SLC6A15: variants seen among roughly 807,000 people sequenced by gnomAD.
SLC6A15 encodes sodium-dependent neutral amino acid transporter B(0)AT2.
A neutral mutation model predicts 68.5 loss-of-function variants in SLC6A15; 33 were observed. The observed-to-expected ratio is 0.48, with a 90% CI of 0.37 to 0.64. The LOEUF (loss-of-function observed/expected upper bound fraction) is 0.64, where lower values mean the gene tolerates loss of function less well. Among genes scored for constraint, SLC6A15 ranks in the 30% least tolerant of loss-of-function variants. The probability of loss-of-function intolerance (pLI) is 0.00; values close to 1 mark genes in which losing one functional copy is unlikely to be tolerated. For missense variants in SLC6A15, 747 were observed against 874.3 expected (o/e 0.85, Z 1.84); for synonymous variants, 347 against 301.0 (o/e 1.15, Z -1.58).
chr12:84,874,212 G>T (rs1476080214), intron 6 of SLC6A15, among the ~76,000 whole-genome samples: 1 of 152,124 alleles, frequency 6.6e-6, no homozygotes, highest in Non-Finnish European at 1.5e-5. Flanking sequence ...TTCTGATTCT[G>T]CCATTTAGTA....
intron 1 of SLC6A15, among the ~76,000 whole-genome samples, chr12:84,895,415 T>A (rs551666654): frequency 6.3e-4 from 86 of 137,340 alleles, no homozygotes; most frequent in African/African-American, 2.4e-3. Context: ...AGTGGCATGA[T>A]CTCGGCTCAC....
chr12:84,892,683 C>T (rs918042636), intron 1 of SLC6A15, among the ~76,000 whole-genome samples: 5 of 152,184 alleles, frequency 3.3e-5, no homozygotes, highest in African/African-American at 1.2e-4. Context: ...GAATTATAAA[C>T]ACAATTGCAA....
intron 1 of SLC6A15, among the ~76,000 whole-genome samples, chr12:84,910,404 A>G (rs1366569414): frequency 6.6e-6 from 1 of 152,208 alleles, no homozygotes; most frequent in Non-Finnish European, 1.5e-5. Context: ...TGGATCATTG[A>G]TGATTCCATA....
intron 1 of SLC6A15, among the ~76,000 whole-genome samples, chr12:84,907,517 T>C (rs1428395364): frequency 6.6e-6 from 1 of 152,194 alleles, no homozygotes; most frequent in Non-Finnish European, 1.5e-5. Context: ...GAGATGTTGC[T>C]ATATTCCTAT....
chr12:84,891,245 C>A lies in SLC6A15; in HGVS notation c.289+587G>T, dbSNP rs558434327. Among the ~76,000 whole-genome samples the A allele has an allele frequency of 4.6e-5, 7 of 152,202 alleles. 2 individuals carry two copies. The highest frequency in any genetic ancestry group is 1.4e-4 in the African/African-American group (6 of 41,534). ...TGAAATGGAACATTGTTCCAAAATA[C>A]CCCCATAGAACTGGAAAGGAAATGC... On this transcript the variant is annotated intron_variant, in intron 2 of 11. Coordinates refer to ENST00000266682, the MANE Select transcript of SLC6A15 (RefSeq NM_182767.6).
chr12:84,904,735 A>G (rs1873058647), intron 1 of SLC6A15, among the ~76,000 whole-genome samples: 1 of 152,220 alleles, frequency 6.6e-6, no homozygotes, highest in South Asian at 2.1e-4. Context: ...GGATATCGTA[A>G]GTGAAACAGG....
rs1871335158 is a variant in SLC6A15 at position 84,872,618 on chromosome 12, T to C, written c.1286A>G (p.Glu429Gly). The change falls in exon 8 of 12, where the codon GAA becomes GGA. Residue 429 changes from glutamate to glycine, a missense_variant. Transcript: ENST00000266682. The stretch of plus-strand genomic sequence containing the variant: ...CTTACTAACTTTATTTAGCTCTTCT[T>C]CAATTTTACAGGAATTGAGATGAAG... ...PALHLNSCKI[E>G]EELNKAVQGT... 4 of 1,607,684 alleles carry C rather than the reference T, an allele frequency of 2.5e-6. No homozygotes were observed. The highest frequency in any genetic ancestry group is 1.3e-5 in the African/African-American group (1 of 74,566).
intron 1 of SLC6A15, among the ~76,000 whole-genome samples, chr12:84,908,513 C>T (rs1048696549): frequency 4.6e-5 from 7 of 150,796 alleles, no homozygotes; most frequent in African/African-American, 1.7e-4. Flanking sequence ...GTTTATTTGC[C>T]TCTGTCTTTA....
At chr12:84,886,183 A>C in intron 2 of SLC6A15, 115 bp from the exon 3 acceptor site, 1 of 582,784 alleles carries the variant, frequency 1.7e-6, no homozygotes, top group East Asian at 3.2e-5. Context: ...AATTATGGAG[A>C]GCTCTGAAGA....
At chr12:84,895,497 C>G (rs932695815) in intron 1 of SLC6A15, among the ~76,000 whole-genome samples, 4 of 151,316 alleles carry the variant, frequency 2.6e-5, no homozygotes, top group African/African-American at 7.3e-5. Context: ...TACAGGCACC[C>G]GTCCCCATGC....
intron 5 of SLC6A15, chr12:84,883,272 C>A: frequency 1.0e-6 from 1 of 985,228 alleles, no homozygotes. Context: ...CTTTTTAAAC[C>A]ACAACCATTC....
At chr12:84,869,329 G>A (rs901115782) in intron 9 of SLC6A15, among the ~76,000 whole-genome samples, 1 of 151,938 alleles carries the variant, frequency 6.6e-6, no homozygotes, top group Admixed American at 6.6e-5. Flanking sequence ...AAGCGTGTTG[G>A]CACGCGCCTG....
intron 1 of SLC6A15, among the ~76,000 whole-genome samples, chr12:84,893,584 T>C (rs954660254): frequency 6.6e-6 from 1 of 152,158 alleles, no homozygotes; most frequent in African/African-American, 2.4e-5. Flanking sequence ...GTTTATGAAA[T>C]GGTAGCCCAA....
chr12:84,899,076 A>G (rs1055197413), intron 1 of SLC6A15, among the ~76,000 whole-genome samples: 16 of 152,166 alleles, frequency 1.1e-4, no homozygotes, highest in Admixed American at 4.6e-4. Context: ...GCTTATAAGT[A>G]ATCTCTCCAA....
At position 84,867,178 on chromosome 12, in the gene SLC6A15, A is replaced by T. The variant is rs766120362; in HGVS notation, c.1511T>A (p.Leu504Gln). ...AAATATCAGGCCAATACAAAATGCCAGAAGACAACAGATAACTAGACAAAA... is the reference window on the plus strand; with the variant it reads ...AAATATCAGGCCAATACAAAATGCCTGAAGACAACAGATAACTAGACAAAA... Reference protein sequence around the residue: ...KEILTVICCLLAFCIGLIFVQ... With the variant: ...KEILTVICCLQAFCIGLIFVQ... Residue 504 changes from leucine (L) to glutamine (Q), a missense_variant, in exon 10 of 12, where the codon CTG becomes CAG. Leu to Gln is a moderately radical substitution (Grantham distance 113, BLOSUM62 -2). Transcript: ENST00000266682. 1.2e-6 allele frequency: 2 copies of T among 1,600,922 alleles called. No individual in the cohort carries two copies. Among genetic ancestry groups the T allele is most frequent in the South Asian group, 2.3e-5 (2 of 87,760 alleles).
At chr12:84,879,031 G>T (rs1302806912) in intron 5 of SLC6A15, among the ~76,000 whole-genome samples, 2 of 151,854 alleles carry the variant, frequency 1.3e-5, no homozygotes, top group Non-Finnish European at 2.9e-5. Context: ...CACACTGTTT[G>T]CTAGCTAACA....
chr12:84,901,584 T>C (rs111558038), intron 1 of SLC6A15, among the ~76,000 whole-genome samples: 6,263 of 151,884 alleles, frequency 0.041, 403 homozygotes, highest in African/African-American at 0.14. Flanking sequence ...TTTTCTACCT[T>C]CCAAGCCATT....
chr12:84,901,813 C>T (rs1042331642), intron 1 of SLC6A15, among the ~76,000 whole-genome samples: 1 of 151,124 alleles, frequency 6.6e-6, no homozygotes, highest in South Asian at 2.1e-4. Flanking sequence ...TCTTTGACAA[C>T]TTAAAATTTC....
At chr12:84,879,560 A>AGGCAAT (rs1871724949) in intron 5 of SLC6A15, among the ~76,000 whole-genome samples, 1 of 151,730 alleles carries the variant, frequency 6.6e-6, no homozygotes, top group Admixed American at 6.6e-5. Flanking sequence ...TTGTGAGCTC[A>AGGCAAT]GGCAATCCAC....
Sources: gnomAD v4.1 joint callset for allele counts (sites outside exome capture counted in the v4.1 genomes callset) on GRCh38, gnomAD v4.1.1 for gene constraint, MANE v1.5 for transcripts, NCBI Gene and HGNC (gene_info 2026-07-23, HGNC 2026-07-21) for gene names.